Variants in SUGCT observed in about 807,000 individuals in gnomAD.
SUGCT encodes the protein succinyl-CoA:glutarate-CoA transferase.
SUGCT carries 41 observed loss-of-function variants against 55.0 expected under a neutral mutation model. The observed-to-expected ratio is 0.74, with a 90% CI of 0.58 to 0.97. The LOEUF is 0.97. SUGCT is among the 50% of genes least tolerant of loss of function. The pLI is 0.00. For synonymous variants in SUGCT, 187 were observed against 200.4 expected (o/e 0.93, Z 0.56); for missense variants, 568 against 547.8 (o/e 1.04, Z -0.37).
chr7:40,349,057 C>T (rs947830784), intron 9 of SUGCT, among the ~76,000 whole-genome samples: 1 of 152,052 alleles, frequency 6.6e-6, no homozygotes, highest in African/African-American at 2.4e-5. Flanking sequence ...AGGTCTTTTC[C>T]ACCCTCCTTC....
intron 12 of SUGCT, among the ~76,000 whole-genome samples, chr7:40,644,990 G>C (rs959855053): frequency 2.0e-5 from 3 of 152,124 alleles, no homozygotes; most frequent in African/African-American, 7.2e-5. Flanking sequence ...ATTTCAACAT[G>C]CTTCCCCTGC....
At chr7:40,772,294 T>G (rs1156371565) in intron 13 of SUGCT, among the ~76,000 whole-genome samples, 1 of 152,144 alleles carries the variant, frequency 6.6e-6, no homozygotes, top group Non-Finnish European at 1.5e-5. Flanking sequence ...GTCTTGCAGA[T>G]TGTTTCAAGT....
chr7:40,870,645 T>C, the SUGCT span, among the ~76,000 whole-genome samples: 4 of 152,356 alleles, frequency 2.6e-5, no homozygotes, highest in African/African-American at 7.2e-5. Context: ...TTTTTCATTA[T>C]AGTTTTGCCC....
chr7:40,562,771 G>T (rs1795912224), intron 12 of SUGCT, among the ~76,000 whole-genome samples: 2 of 152,168 alleles, frequency 1.3e-5, no homozygotes, highest in African/African-American at 4.8e-5. Context: ...GGGTCAGACA[G>T]AAGGAATGAT....
In SUGCT at chr7:40,716,715, A is replaced by G. The variant is rs1786044581; in HGVS notation, c.1090-32719A>G. ...ACAGAAAATCAGAGAAATCATGGAC[A>G]TGAAGCCAATGAAGAAAGCAGCTCA... On this transcript the variant is annotated intron_variant, in intron 12 of 13. Transcript: ENST00000335693. Among the ~76,000 whole-genome samples, 5 of 152,116 alleles carry G rather than the reference A, an allele frequency of 3.3e-5. No individual in the cohort carries two copies. The South Asian group carries it at 1.0e-3, about 31-fold the overall frequency.
chr7:40,908,084 A>G, the SUGCT span, among the ~76,000 whole-genome samples: 10 of 152,210 alleles, frequency 6.6e-5, no homozygotes, highest in Non-Finnish European at 1.3e-4. Context: ...CAGCCATTTA[A>G]AAGTATGGAC....
the SUGCT span, among the ~76,000 whole-genome samples, chr7:40,919,523 T>G: frequency 6.6e-6 from 1 of 152,354 alleles, no homozygotes; most frequent in Admixed American, 6.5e-5. Context: ...AACGACTGAT[T>G]GACAGGTTTC....
intron 12 of SUGCT, among the ~76,000 whole-genome samples, chr7:40,531,863 T>C (rs2151596396): frequency 6.6e-6 from 1 of 152,176 alleles, no homozygotes; most frequent in African/African-American, 2.4e-5. Context: ...TTAGTAGAGA[T>C]GGGGTTTCAC....
intron 9 of SUGCT, among the ~76,000 whole-genome samples, chr7:40,425,256 A>G (rs893919052): frequency 6.6e-6 from 1 of 152,128 alleles, no homozygotes; most frequent in Non-Finnish European, 1.5e-5. Flanking sequence ...GCATGTAAAC[A>G]TGGCCCCAAA....
Position 40,460,226 on chromosome 7 carries a change from A to G in SUGCT, c.986+1028A>G, listed in dbSNP as rs185386821. 4.9e-3 allele frequency among the ~76,000 whole-genome samples: 753 copies of G among 152,284 alleles called. 11 individuals carry two copies. Among genetic ancestry groups the G allele is most frequent in the African/African-American group, 0.017 (703 of 41,562 alleles). On this transcript the variant is annotated intron_variant, in intron 11 of 13. Transcript: ENST00000335693. ...TTGAAATACTTTTGTAACTTTAAAC[A>G]TTTTATAATTTTAAACACTGCCTGT...
intron 9 of SUGCT, among the ~76,000 whole-genome samples, chr7:40,430,320 C>A (rs777270996): frequency 6.6e-6 from 1 of 152,194 alleles, no homozygotes; most frequent in Non-Finnish European, 1.5e-5. Context: ...CACACTCTTA[C>A]CAACATTTGT....
chr7:40,657,661 A>G (rs572307774), intron 12 of SUGCT, among the ~76,000 whole-genome samples: 21 of 151,278 alleles, frequency 1.4e-4, no homozygotes, highest in African/African-American at 5.1e-4. Context: ...CAGCCTCCCA[A>G]GTAGCTGGGA....
intron 9 of SUGCT, among the ~76,000 whole-genome samples, chr7:40,372,071 T>G (rs1784321447): frequency 6.6e-6 from 1 of 151,948 alleles, no homozygotes; most frequent in South Asian, 2.1e-4. Flanking sequence ...GGGTTGTCTG[T>G]GTGTTTTTGA....
chr7:41,035,559 G>A, the SUGCT span, among the ~76,000 whole-genome samples: 2 of 152,134 alleles, frequency 1.3e-5, no homozygotes, highest in Non-Finnish European at 2.9e-5. Flanking sequence ...ATTTTGTTAT[G>A]CCTAGGACAG....
intron 8 of SUGCT, among the ~76,000 whole-genome samples, chr7:40,285,188 A>G (rs1310064692): frequency 2.0e-5 from 3 of 152,200 alleles, no homozygotes; most frequent in East Asian, 3.8e-4. Context: ...TTCTTAAACA[A>G]TAGAAAAATA....
At chr7:40,337,774 A>C (rs976376328) in intron 9 of SUGCT, among the ~76,000 whole-genome samples, 1 of 151,924 alleles carries the variant, frequency 6.6e-6, no homozygotes, top group Admixed American at 6.6e-5. Context: ...GTTATATGTG[A>C]ATTTGATCCT....
intron 6 of SUGCT, among the ~76,000 whole-genome samples, chr7:40,203,941 T>C (rs1786777571): frequency 6.6e-6 from 1 of 151,990 alleles, no homozygotes; most frequent in East Asian, 1.9e-4. Context: ...AATTGAAAGG[T>C]GATATTGAAT....
intron 12 of SUGCT, among the ~76,000 whole-genome samples, chr7:40,575,943 CA>C (rs766046012): frequency 0.1 from 6,969 of 69,704 alleles, 394 homozygotes; most frequent in African/African-American, 0.27. Context: ...GACACTGTCT[CA>C]AAAAAAAAAA....
At chr7:40,294,578 C>G (rs983127945) in intron 8 of SUGCT, among the ~76,000 whole-genome samples, 10 of 152,124 alleles carry the variant, frequency 6.6e-5, no homozygotes, top group Admixed American at 3.9e-4. Context: ...GAGTTTCACT[C>G]TGCCACCCAG....
Sources: gnomAD v4.1 joint callset for allele counts (sites outside exome capture counted in the v4.1 genomes callset) on GRCh38, gnomAD v4.1.1 for gene constraint, MANE v1.5 for transcripts, NCBI Gene and HGNC (gene_info 2026-07-23, HGNC 2026-07-21) for gene names.